RCOR1: variants seen among roughly 807,000 people sequenced by gnomAD.
RCOR1 encodes the protein REST corepressor 1.
A neutral mutation model predicts 64.0 loss-of-function variants in RCOR1; 12 were observed. The ratio of observed to expected loss-of-function variants is 0.19; its 90% CI spans 0.12 to 0.30. The LOEUF is 0.30. Among genes scored for constraint, RCOR1 ranks in the 10% least tolerant of loss-of-function variants. The pLI, the probability that RCOR1 is intolerant of heterozygous loss-of-function variation, is 1.00. For synonymous variants in RCOR1, 279 were observed against 227.2 expected, an observed-to-expected ratio of 1.23 and a Z score of -2.05; for missense variants, 502 against 621.2, an observed-to-expected ratio of 0.81 and a Z score of 2.04.
At chr14:102,716,449 A>G (rs1896071644) in intron 8 of RCOR1, among the ~76,000 whole-genome samples, 1 of 152,226 alleles carries the variant, frequency 6.6e-6, no homozygotes, top group African/African-American at 2.4e-5. Flanking sequence ...TCTCAAGGTC[A>G]TGACGATATT....
intron 2 of RCOR1, among the ~76,000 whole-genome samples, chr14:102,604,010 A>T (rs1893453860): frequency 6.6e-6 from 1 of 152,036 alleles, no homozygotes; most frequent in African/African-American, 2.4e-5. Flanking sequence ...AGTTTATTTG[A>T]CTAGGAAGGG....
At chr14:102,674,641 C>G (rs533979491) in intron 2 of RCOR1, among the ~76,000 whole-genome samples, 1 of 152,150 alleles carries the variant, frequency 6.6e-6, no homozygotes, top group Non-Finnish European at 1.5e-5. Context: ...GTAGTTGAAC[C>G]ACTGTACAGC....
intron 4 of RCOR1, 104 bp from the exon 5 acceptor site, chr14:102,707,247 G>A: frequency 1.0e-6 from 1 of 967,118 alleles, no homozygotes; most frequent in Non-Finnish European, 1.5e-6. Context: ...AGATGAGTTA[G>A]TTTGTCTAAA....
chr14:102,654,820 T>C (rs1352280073), intron 2 of RCOR1, among the ~76,000 whole-genome samples: 2 of 110,376 alleles, frequency 1.8e-5, no homozygotes, highest in East Asian at 4.0e-4. Flanking sequence ...GTTCTTTTCC[T>C]TTTTTTTTGA....
At chr14:102,696,351 A>T (rs1895648566) in intron 3 of RCOR1, among the ~76,000 whole-genome samples, 1 of 152,080 alleles carries the variant, frequency 6.6e-6, no homozygotes, top group Admixed American at 6.6e-5. Flanking sequence ...TCTTTAAGTG[A>T]TATTATGAGG....
At chr14:102,692,247 T>C (rs1895548708) in intron 3 of RCOR1, among the ~76,000 whole-genome samples, 2 of 152,196 alleles carry the variant, frequency 1.3e-5, no homozygotes, top group Non-Finnish European at 1.5e-5. Flanking sequence ...CTTCAGCACA[T>C]GTAAAGCACA....
At chr14:102,602,184 GT>G (rs1893415067) in intron 2 of RCOR1, among the ~76,000 whole-genome samples, 1 of 151,166 alleles carries the variant, frequency 6.6e-6, no homozygotes, top group Non-Finnish European at 1.5e-5. Context: ...GTGATAATAT[GT>G]TTTCTTGTTA....
chr14:102,606,203 G>C (rs1464201797), intron 2 of RCOR1, among the ~76,000 whole-genome samples: 1 of 152,174 alleles, frequency 6.6e-6, no homozygotes, highest in Non-Finnish European at 1.5e-5. Flanking sequence ...TGGGATTACA[G>C]GCATGAGCCA....
chr14:102,682,349 C>T (rs1351866669), intron 3 of RCOR1, among the ~76,000 whole-genome samples: 1 of 152,182 alleles, frequency 6.6e-6, no homozygotes. Context: ...AGGCTGGTCT[C>T]AAACTCCTGA....
chr14:102,592,701 C>T lies in RCOR1; in HGVS notation c.-186C>T, dbSNP rs1893151594. 1.9e-5 allele frequency: 23 copies of T among 1,227,224 alleles called. No individual in the cohort carries two copies. The highest frequency in any genetic ancestry group is 3.1e-5 in the African/African-American group (2 of 64,094). 76.0% of individuals were successfully genotyped at this position (1,227,224 alleles called of 1,614,324 possible). A position where few individuals can be genotyped will look rare whatever the true frequency, so the allele number is the denominator to read the frequency against. On this transcript the variant is annotated 5_prime_UTR_variant, in exon 1 of 12. Coordinates refer to ENST00000262241, the MANE Select transcript of RCOR1 (RefSeq NM_015156.4). ...AGAGCGAAAGTTGCGCTCGGCTCGTCGCTGGGGGCTTGAAGCGGCTCCGCG... is the reference window on the plus strand; with the variant it reads ...AGAGCGAAAGTTGCGCTCGGCTCGTTGCTGGGGGCTTGAAGCGGCTCCGCG...
At chr14:102,649,172 A>T (rs1894535130) in intron 2 of RCOR1, among the ~76,000 whole-genome samples, 1 of 152,194 alleles carries the variant, frequency 6.6e-6, no homozygotes, top group South Asian at 2.1e-4. Context: ...TAACAAACAT[A>T]AATTAAAAAT....
chr14:102,667,864 CTTG>C (rs780394273), intron 2 of RCOR1, among the ~76,000 whole-genome samples: 7 of 152,014 alleles, frequency 4.6e-5, no homozygotes, highest in Admixed American at 6.6e-5. Flanking sequence ...GAAGAAACAG[CTTG>C]TTGTTGATAG....
chr14:102,694,302 G>A (rs1895599463), intron 3 of RCOR1, among the ~76,000 whole-genome samples: 1 of 152,106 alleles, frequency 6.6e-6, no homozygotes, highest in African/African-American at 2.4e-5. Context: ...TGTTGCCCAG[G>A]CTGGAGTGCA....
chr14:102,677,144 G>C (rs1895189818), intron 2 of RCOR1, among the ~76,000 whole-genome samples: 1 of 136,168 alleles, frequency 7.3e-6, no homozygotes, highest in Admixed American at 7.0e-5. Flanking sequence ...CGGGGCGGCT[G>C]GCCGGGCGGG....
chr14:102,690,337 C>G (rs748239526), intron 3 of RCOR1, among the ~76,000 whole-genome samples: 1 of 152,002 alleles, frequency 6.6e-6, no homozygotes, highest in African/African-American at 2.4e-5. Context: ...TGTCAGGTGT[C>G]TCTATTCAGA....
intron 2 of RCOR1, among the ~76,000 whole-genome samples, chr14:102,609,025 C>CTTTTTTTTTTTTT (rs1004210046): frequency 1.9e-5 from 2 of 106,994 alleles, no homozygotes; most frequent in Admixed American, 9.9e-5. Context: ...CTGTGCTTCA[C>CTTTTTTTTTTTTT]TTTTTTTTTT....
At position 102,662,071 on chromosome 14, in the gene RCOR1, A is replaced by G. The variant is rs561951740; in HGVS notation, c.362-19824A>G. The stretch of plus-strand genomic sequence containing the variant: ...CACTGTGCCCTGCCTATGAGTTGTT[A>G]TAGACTGGGTGATTTTGTAGTAGGC... On this transcript the variant is annotated intron_variant, in intron 2 of 11. Transcript: ENST00000262241. Among the ~76,000 whole-genome samples the G allele has an allele frequency of 2.2e-4, 33 of 152,230 alleles. 1 individual carries two copies. In the South Asian group the frequency reaches 6.4e-3, roughly 30 times the overall value.
chr14:102,659,143 A>C, intron 2 of RCOR1: 1 of 985,312 alleles, frequency 1.0e-6, no homozygotes, highest in Non-Finnish European at 1.2e-6. Flanking sequence ...GACTTACTGG[A>C]CTTTTTATTT....
rs1299301781 is a variant in RCOR1, at chr14:102,602,389, CTTTTCTT to C, written c.361+9069_361+9075del. Among the ~76,000 whole-genome samples the C allele has an allele frequency of 9.0e-3, 984 of 109,482 alleles. 4 individuals are homozygous for C. Among genetic ancestry groups the C allele is most frequent in the Admixed American group, 0.014 (136 of 9,380 alleles). The allele number at this position is 109,482 out of a possible 152,430, so 71.8% of individuals were successfully genotyped here. ...TATTAGCATTTTTTTCTTTTCTTTT[CTTTTCTT>C]TTTTTTTTTTTTTTTTTGGAGATGG... On this transcript the variant is annotated intron_variant, in intron 2 of 11. Coordinates refer to ENST00000262241, the MANE Select transcript of RCOR1 (RefSeq NM_015156.4).
Sources: allele counts gnomAD v4.1 joint callset (sites outside exome capture counted in the v4.1 genomes callset), GRCh38; gene constraint gnomAD v4.1.1; transcripts MANE v1.5; gene names NCBI Gene and HGNC (gene_info 2026-07-23, HGNC 2026-07-21).